SPATA16: variants seen among roughly 807,000 people sequenced by gnomAD.
The protein encoded by SPATA16 is spermatogenesis-associated protein 16.
Under a neutral mutation model 63.3 loss-of-function variants are expected in SPATA16, and 36 were observed. The observed-to-expected ratio is 0.57, with a 90% CI of 0.44 to 0.75. The LOEUF is 0.75. SPATA16 is among the 30% of genes least tolerant of loss of function. The pLI is 0.00. For synonymous variants in SPATA16, 203 were observed against 216.7 expected (o/e 0.94, Z 0.56); for missense variants, 646 against 679.3 (o/e 0.95, Z 0.54).
At chr3:173,053,026 T>C (rs1393960514) in intron 2 of SPATA16, among the ~76,000 whole-genome samples, 1 of 152,088 alleles carries the variant, frequency 6.6e-6, no homozygotes, top group East Asian at 1.9e-4. Context: ...TTCTTATGAG[T>C]ATAGCTGTTG....
chr3:173,073,152 G>C (rs1296811792), intron 2 of SPATA16, among the ~76,000 whole-genome samples: 1 of 152,168 alleles, frequency 6.6e-6, no homozygotes, highest in East Asian at 1.9e-4. Context: ...GCATTCAAGA[G>C]GTGACTTGGG....
chr3:172,994,069 A>G, intron 4 of SPATA16, among the ~76,000 whole-genome samples: 1 of 152,124 alleles, frequency 6.6e-6, no homozygotes, highest in East Asian at 1.9e-4. Context: ...GTTGACTTTT[A>G]TAAAGGTCTG....
intron 4 of SPATA16, 32 bp from the exon 5 acceptor site, chr3:172,977,084 A>G (rs368171509): frequency 6.4e-7 from 1 of 1,565,608 alleles, no homozygotes; most frequent in Non-Finnish European, 8.7e-7. Flanking sequence ...AAAAAAAACA[A>G]AAACAAATGT....
At chr3:173,013,330 A>G (rs1470978480) in intron 4 of SPATA16, among the ~76,000 whole-genome samples, 1 of 152,246 alleles carries the variant, frequency 6.6e-6, no homozygotes, top group Non-Finnish European at 1.5e-5. Context: ...AATGTAAATT[A>G]GTTCAGCCAT....
intron 1 of SPATA16, among the ~76,000 whole-genome samples, chr3:173,125,157 C>T (rs1738194295): frequency 6.6e-6 from 1 of 152,136 alleles, no homozygotes; most frequent in Admixed American, 6.5e-5. Context: ...CCAACCACAT[C>T]CCCCCAGTTG....
chr3:172,916,596 C>G, intron 8 of SPATA16, 115 bp from the exon 9 acceptor site: 10 of 1,145,470 alleles, frequency 8.7e-6, no homozygotes, highest in South Asian at 2.5e-5. Flanking sequence ...ATAACGGAAT[C>G]TAGTACAAAT....
intron 4 of SPATA16, among the ~76,000 whole-genome samples, chr3:173,009,478 G>A (rs935869550): frequency 6.6e-6 from 1 of 152,248 alleles, no homozygotes; most frequent in East Asian, 1.9e-4. Flanking sequence ...ACAGAGAGCT[G>A]CCTGGAATCT....
chr3:172,935,727 T>C (rs1187949377), intron 6 of SPATA16, among the ~76,000 whole-genome samples: 1 of 152,172 alleles, frequency 6.6e-6, no homozygotes, highest in Admixed American at 6.5e-5. Flanking sequence ...TTTGAATGAT[T>C]GACAAAGGGA....
intron 4 of SPATA16, among the ~76,000 whole-genome samples, chr3:172,978,104 A>G (rs1734207236): frequency 6.6e-6 from 1 of 151,596 alleles, no homozygotes; most frequent in Non-Finnish European, 1.5e-5. Context: ...AATACCACCA[A>G]CTGGAGGATT....
At chr3:173,069,822 T>G (rs1048255764) in intron 2 of SPATA16, among the ~76,000 whole-genome samples, 3 of 152,316 alleles carry the variant, frequency 2.0e-5, no homozygotes, top group East Asian at 3.9e-4. Context: ...GATGCAAGGA[T>G]AGTTCAACAT....
intron 9 of SPATA16, among the ~76,000 whole-genome samples, chr3:172,915,107 G>A (rs1732450793): frequency 6.6e-6 from 1 of 152,094 alleles, no homozygotes; most frequent in Non-Finnish European, 1.5e-5. Flanking sequence ...ATACTTCTGA[G>A]TGCCTTATGA....
At position 172,967,739 on chromosome 3, in the gene SPATA16, G is replaced by A. The variant is rs1400966617; in HGVS notation, c.933+9229C>T. ...CTCATAGGAGCACGAACCCTATTGTGAACTCCTCAGGCGAAGGATCTAGTT... is the reference window on the plus strand; with the variant it reads ...CTCATAGGAGCACGAACCCTATTGTAAACTCCTCAGGCGAAGGATCTAGTT... On this transcript the variant is annotated intron_variant, in intron 5 of 10. Coordinates refer to ENST00000351008, the MANE Select transcript of SPATA16 (RefSeq NM_031955.6). 2.0e-5 allele frequency among the ~76,000 whole-genome samples: 3 copies of A among 152,308 alleles called. No individual in the cohort carries two copies. The East Asian group carries it at 5.8e-4, about 29-fold the overall frequency.
chr3:173,126,203 GA>G (rs1738224064), intron 1 of SPATA16, among the ~76,000 whole-genome samples: 1 of 152,164 alleles, frequency 6.6e-6, no homozygotes, highest in Admixed American at 6.5e-5. Context: ...AGAACCTTCA[GA>G]AAAATCAGTC....
intron 4 of SPATA16, among the ~76,000 whole-genome samples, chr3:172,988,351 T>G (rs1371565166): frequency 6.6e-6 from 1 of 152,224 alleles, no homozygotes; most frequent in African/African-American, 2.4e-5. Flanking sequence ...AGAATCAGGT[T>G]TCCTTTTCGG....
rs148056501 is a variant in SPATA16 at position 173,070,931 on chromosome 3, T to C, written c.613-21837A>G. 3.3e-3 allele frequency among the ~76,000 whole-genome samples: 507 copies of C among 152,234 alleles called. 6 individuals carry two copies. The highest frequency in any genetic ancestry group is 0.011 in the African/African-American group (472 of 41,548). On this transcript the variant is annotated intron_variant, in intron 2 of 10. Transcript: ENST00000351008. ...AATGGAATTCCTGTCAAAATACCAA[T>C]GACATTCTTAACAGAAATATAAAAA...
chr3:172,919,309 A>C (rs1223250664), intron 8 of SPATA16, among the ~76,000 whole-genome samples: 1 of 152,234 alleles, frequency 6.6e-6, no homozygotes, highest in Non-Finnish European at 1.5e-5. Flanking sequence ...AGAAATCCAG[A>C]AAATGAAAAA....
intron 8 of SPATA16, among the ~76,000 whole-genome samples, chr3:172,921,325 A>C (rs540146603): frequency 4.5e-4 from 69 of 152,306 alleles, no homozygotes; most frequent in African/African-American, 1.6e-3. Flanking sequence ...AAAATTCTTT[A>C]AGATAAATGT....
Position 173,117,273 on chromosome 3 carries a change from T to C in SPATA16, c.459A>G (p.Gln153=). 1 of 1,614,180 alleles carries C rather than the reference T, an allele frequency of 6.2e-7. No homozygotes were observed. Among genetic ancestry groups the C allele is most frequent in the African/African-American group, 1.3e-5 (1 of 75,064 alleles). Residue 153 remains glutamine (Q), a synonymous_variant, in exon 2 of 11, where the codon CAA becomes CAG. Coordinates refer to ENST00000351008, the MANE Select transcript of SPATA16 (RefSeq NM_031955.6). Reference sequence around the variant, plus strand: ...TCAAAGGGTCTACTATTTCAGCAGCTTGGCATGTTGGCTGACTCCCAGTAG... The same window carrying C: ...TCAAAGGGTCTACTATTTCAGCAGCCTGGCATGTTGGCTGACTCCCAGTAG... The part of the protein sequence containing the change: ...FMSTGSQPTC[Q]AAEIVDPLSV...
chr3:173,076,206 C>A lies in SPATA16; in HGVS notation c.613-27112G>T, dbSNP rs575581603. 2.6e-5 allele frequency among the ~76,000 whole-genome samples: 4 copies of A among 152,178 alleles called. No homozygotes were observed. The East Asian group carries it at 7.7e-4, about 29-fold the overall frequency. On this transcript the variant is annotated intron_variant, in intron 2 of 10. Transcript: ENST00000351008. ...TTACTTTTAAGTTCGCGAAATCAGGCATGTCTCGCTATCTTTTAAAATTTT... is the reference window on the plus strand; with the variant it reads ...TTACTTTTAAGTTCGCGAAATCAGGAATGTCTCGCTATCTTTTAAAATTTT...
Sources: allele counts gnomAD v4.1 joint callset (sites outside exome capture counted in the v4.1 genomes callset), GRCh38; gene constraint gnomAD v4.1.1; transcripts MANE v1.5; gene names NCBI Gene and HGNC (gene_info 2026-07-23, HGNC 2026-07-21).